Variants in PARD3B observed in about 807,000 individuals in gnomAD.
PARD3B encodes the protein partitioning defective 3 homolog B.
PARD3B carries 103 observed loss-of-function variants against 130.2 expected under a neutral mutation model. That is an observed-to-expected ratio of 0.79 (90% confidence interval 0.67 to 0.93). PARD3B has a LOEUF of 0.93. Ranked by LOEUF, PARD3B falls within the 40% of genes least tolerant of loss-of-function variation. The pLI, the probability that PARD3B is intolerant of heterozygous loss-of-function variation, is 0.00. For missense variants in PARD3B, 1,609 were observed against 1,499.2 expected, an observed-to-expected ratio of 1.07 and a Z score of -1.21; for synonymous variants, 583 against 553.2, an observed-to-expected ratio of 1.05 and a Z score of -0.76.
intron 3 of PARD3B, among the ~76,000 whole-genome samples, chr2:204,971,841 T>A (rs1691746130): frequency 6.6e-6 from 1 of 150,798 alleles, no homozygotes; most frequent in South Asian, 2.1e-4. Context: ...TTAATTTTTT[T>A]TTTTTTTTTT....
At chr2:205,152,087 G>A (rs924802023) in intron 10 of PARD3B, among the ~76,000 whole-genome samples, 5 of 152,128 alleles carry the variant, frequency 3.3e-5, no homozygotes, top group Admixed American at 3.3e-4. Context: ...TGAATATTGG[G>A]CCTTACTCTC....
At position 205,405,515 on chromosome 2, in the gene PARD3B, T is replaced by C. The variant is rs1322809053; in HGVS notation, c.2741+4392T>C. 2.0e-5 allele frequency among the ~76,000 whole-genome samples: 3 copies of C among 152,212 alleles called. No individual in the cohort carries two copies. Among genetic ancestry groups the C allele is most frequent in the South Asian group, 2.1e-4 (1 of 4,838 alleles). Reference sequence around the variant, plus strand: ...ATAATGCAGAGAAATCTAGATCAGATGATATAACCCTAGAAGGATTATTAG... The same window carrying C: ...ATAATGCAGAGAAATCTAGATCAGACGATATAACCCTAGAAGGATTATTAG... On this transcript the variant is annotated intron_variant, in intron 19 of 22. Coordinates refer to ENST00000406610, the MANE Select transcript of PARD3B (RefSeq NM_001302769.2). The surrounding 1 kb of genome is among the most constrained non-coding windows in gnomAD (Gnocchi z 4.1).
At chr2:205,061,620 T>C (rs1312620202) in intron 4 of PARD3B, among the ~76,000 whole-genome samples, 1 of 152,074 alleles carries the variant, frequency 6.6e-6, no homozygotes, top group East Asian at 1.9e-4. Flanking sequence ...AGATAGACTA[T>C]AGAAGTAAGT....
At chr2:204,686,310 T>C in intron 2 of PARD3B, 28 bp downstream of exon 2, 3 of 1,475,904 alleles carry the variant, frequency 2.0e-6, no homozygotes, top group East Asian at 4.5e-5. Flanking sequence ...TGTGCCTCTT[T>C]GTTTTCCTCT....
At chr2:204,721,347 C>G (rs2038987894) in intron 2 of PARD3B, among the ~76,000 whole-genome samples, 2 of 152,028 alleles carry the variant, frequency 1.3e-5, no homozygotes, top group Admixed American at 6.6e-5. Context: ...ACATACTCCC[C>G]CCTGTAAGAG....
chr2:205,609,027 G>A (rs2055126890), intron 22 of PARD3B, among the ~76,000 whole-genome samples: 1 of 152,174 alleles, frequency 6.6e-6, no homozygotes, highest in Non-Finnish European at 1.5e-5. Context: ...TGTGAGTGAT[G>A]AAAGCGGATT....
chr2:204,798,870 T>C (rs890659975), intron 2 of PARD3B, among the ~76,000 whole-genome samples: 3 of 152,116 alleles, frequency 2.0e-5, no homozygotes, highest in African/African-American at 7.2e-5. Context: ...TGAATAAATG[T>C]CAGCTGTAGC....
At chr2:205,275,390 G>C (rs1390926453) in intron 16 of PARD3B, among the ~76,000 whole-genome samples, 1 of 152,068 alleles carries the variant, frequency 6.6e-6, no homozygotes, top group African/African-American at 2.4e-5. Flanking sequence ...ATTTATCTAA[G>C]AGATTCGGCT....
chr2:205,073,922 T>C (rs1575707280), intron 4 of PARD3B, among the ~76,000 whole-genome samples: 1 of 152,314 alleles, frequency 6.6e-6, no homozygotes, highest in Non-Finnish European at 1.5e-5. Context: ...TCTTGTGATA[T>C]ACATACATGT....
At chr2:204,824,031 G>T (rs1453929682) in intron 2 of PARD3B, among the ~76,000 whole-genome samples, 1 of 152,038 alleles carries the variant, frequency 6.6e-6, no homozygotes, top group Non-Finnish European at 1.5e-5. Context: ...GAAGTTAGGG[G>T]TGGGAGTTCT....
chr2:205,150,252 T>TGCGCGCGCGC (rs60163212), intron 10 of PARD3B, among the ~76,000 whole-genome samples: 1 of 145,780 alleles, frequency 6.9e-6, no homozygotes, highest in Non-Finnish European at 1.5e-5. Context: ...TGTGTGTGTG[T>TGCGCGCGCGC]GCACACACGC....
chr2:204,954,656 C>T (rs1330624590), intron 2 of PARD3B, among the ~76,000 whole-genome samples: 3 of 152,172 alleles, frequency 2.0e-5, no homozygotes, highest in East Asian at 3.9e-4. Context: ...ACATATGAAG[C>T]TGTCAAAACT....
chr2:205,429,090 C>T (rs2047240983), intron 19 of PARD3B, among the ~76,000 whole-genome samples: 1 of 152,066 alleles, frequency 6.6e-6, no homozygotes, highest in Admixed American at 6.6e-5. Flanking sequence ...TAAATATGGA[C>T]AATATGTGCA....
At chr2:204,773,396 A>G (rs894983365) in intron 2 of PARD3B, among the ~76,000 whole-genome samples, 1 of 151,420 alleles carries the variant, frequency 6.6e-6, no homozygotes, top group Non-Finnish European at 1.5e-5. Flanking sequence ...GCATATATAT[A>G]TATTTTTTTT....
intron 15 of PARD3B, among the ~76,000 whole-genome samples, chr2:205,214,245 A>G (rs952777260): frequency 1.3e-5 from 2 of 152,120 alleles, no homozygotes; most frequent in Non-Finnish European, 2.9e-5. Flanking sequence ...TGATTTTTTC[A>G]TAAAACTGTT....
At chr2:205,533,810 C>G (rs989698580) in intron 21 of PARD3B, among the ~76,000 whole-genome samples, 2 of 152,120 alleles carry the variant, frequency 1.3e-5, no homozygotes, top group African/African-American at 4.8e-5. Flanking sequence ...TCACTGCAGC[C>G]TCAACCTCCG....
chr2:205,468,608 T>C (rs980653475), intron 20 of PARD3B, among the ~76,000 whole-genome samples: 7 of 152,178 alleles, frequency 4.6e-5, no homozygotes, highest in Non-Finnish European at 8.8e-5. Flanking sequence ...CTGCCTTCCC[T>C]GAACCACACA....
In PARD3B at chr2:204,665,810, G is replaced by A. The variant is rs551865107; in HGVS notation, c.121-20371G>A. 1.4e-4 allele frequency among the ~76,000 whole-genome samples: 22 copies of A among 152,294 alleles called. No individual in the cohort carries two copies. The South Asian group carries it at 1.9e-3, about 13-fold the overall frequency. On this transcript the variant is annotated intron_variant, in intron 1 of 22. Transcript: ENST00000406610. ...AGATCTAACATAGGCATCGATTAGC[G>A]TACTTCTTACCAAGTTTTAGAGGGC...
At chr2:205,541,351 T>G (rs1371570331) in intron 21 of PARD3B, among the ~76,000 whole-genome samples, 2 of 46,884 alleles carry the variant, frequency 4.3e-5, no homozygotes, top group Non-Finnish European at 8.1e-5. Flanking sequence ...AACTTTGTTT[T>G]TTTTTTTTTT....
Sources: gnomAD v4.1 joint callset for allele counts (sites outside exome capture counted in the v4.1 genomes callset) on GRCh38, gnomAD v4.1.1 for gene constraint, Gnocchi (gnomAD v3.1) non-coding constraint, MANE v1.5 for transcripts, NCBI Gene and HGNC (gene_info 2026-07-23, HGNC 2026-07-21) for gene names.